The following KCNC2 variants were observed in gnomAD, a reference collection of about 807,000 sequenced individuals.
KCNC2 encodes potassium voltage-gated channel subfamily C member 2.
In KCNC2, 21 loss-of-function variants were observed where a neutral mutation model predicts 44.5. That is an observed-to-expected ratio of 0.47 (90% CI 0.33 to 0.68). The LOEUF (loss-of-function observed/expected upper bound fraction) is 0.68. Ranked by LOEUF, KCNC2 falls within the 30% of genes least tolerant of loss-of-function variation. KCNC2 has a pLI of 0.01. For synonymous variants in KCNC2, 391 were observed against 339.1 expected (o/e 1.15, Z -1.68); for missense variants, 589 against 826.2 (o/e 0.71, Z 3.52).
At chr12:75,078,820 C>A (rs996541018) in intron 2 of KCNC2, among the ~76,000 whole-genome samples, 1 of 152,134 alleles carries the variant, frequency 6.6e-6, no homozygotes, top group Non-Finnish European at 1.5e-5. Context: ...CATTCTTGCT[C>A]TATTAAAGTT....
chr12:75,086,681 A>AAATATATATATATATATAT lies in KCNC2; in HGVS notation c.688-35365_688-35364insATATATATATATATATATT, dbSNP rs1206456289. Reference sequence around the variant, plus strand: ...TTGGCAAAAAAAAAAAAAAAAAAAAAATATATATATATATATATACACACA... The same window carrying AAATATATATATATATATAT: ...TTGGCAAAAAAAAAAAAAAAAAAAAAAATATATATATATATATATATATATATATATATATATACACACA... On this transcript the variant is annotated intron_variant, in intron 2 of 4. Coordinates refer to ENST00000549446, the MANE Select transcript of KCNC2 (RefSeq NM_139137.4). 1.7e-4 allele frequency among the ~76,000 whole-genome samples: 9 copies of AAATATATATATATATATAT among 54,204 alleles called. No homozygotes were observed. In the South Asian group the frequency reaches 1.8e-3, roughly 11 times the overall value. 35.6% of individuals were successfully genotyped at this position (54,204 alleles called of 152,430 possible). A position where few individuals can be genotyped will look rare whatever the true frequency, so the allele number is the denominator to read the frequency against.
At chr12:75,138,720 C>T (rs568714452) in intron 2 of KCNC2, among the ~76,000 whole-genome samples, 3 of 152,170 alleles carry the variant, frequency 2.0e-5, no homozygotes, top group Admixed American at 1.3e-4. Context: ...GTGGCTCATG[C>T]TTATAATCCC....
intron 2 of KCNC2, among the ~76,000 whole-genome samples, chr12:75,173,164 C>T (rs1891948722): frequency 6.6e-6 from 1 of 151,840 alleles, no homozygotes; most frequent in Non-Finnish European, 1.5e-5. Flanking sequence ...TACGTCTTCT[C>T]CCTTTCACTA....
chr12:75,128,502 G>A (rs968744703), intron 2 of KCNC2, among the ~76,000 whole-genome samples: 3 of 152,006 alleles, frequency 2.0e-5, no homozygotes, highest in African/African-American at 7.2e-5. Flanking sequence ...AAACAAAACG[G>A]GTCAAAAAAT....
chr12:75,073,552 G>A (rs1286172349), intron 2 of KCNC2, among the ~76,000 whole-genome samples: 1 of 152,090 alleles, frequency 6.6e-6, no homozygotes, highest in Non-Finnish European at 1.5e-5. Flanking sequence ...CAGTATTTTG[G>A]ATATTTTGTT....
At chr12:75,134,596 A>G (rs1208912642) in intron 2 of KCNC2, among the ~76,000 whole-genome samples, 2 of 151,858 alleles carry the variant, frequency 1.3e-5, no homozygotes, top group Non-Finnish European at 2.9e-5. Flanking sequence ...AAAAAAAAGA[A>G]GTTATTATTC....
At position 75,043,086 on chromosome 12, in the gene KCNC2, T is replaced by C. The variant is rs549224607; in HGVS notation, c.*19A>G. 10 of 1,610,314 alleles carry C rather than the reference T, an allele frequency of 6.2e-6. No homozygotes were observed. In the South Asian group the frequency reaches 1.1e-4, roughly 18 times the overall value. ...GAATTAATACAATTTAGCCGACTGATGCAGTTTGGTTGTTTGGTTTACAAG... is the reference window on the plus strand; with the variant it reads ...GAATTAATACAATTTAGCCGACTGACGCAGTTTGGTTGTTTGGTTTACAAG... On this transcript the variant is annotated 3_prime_UTR_variant, in exon 5 of 5. Coordinates refer to ENST00000549446, the MANE Select transcript of KCNC2 (RefSeq NM_139137.4).
chr12:75,086,056 T>C (rs895424226), intron 2 of KCNC2, among the ~76,000 whole-genome samples: 4 of 152,072 alleles, frequency 2.6e-5, no homozygotes, highest in African/African-American at 9.7e-5. Context: ...CTTTTCTAGA[T>C]AAATATGTTT....
intron 2 of KCNC2, among the ~76,000 whole-genome samples, chr12:75,106,535 G>T (rs1886799546): frequency 6.6e-6 from 1 of 152,162 alleles, no homozygotes; most frequent in Non-Finnish European, 1.5e-5. Flanking sequence ...TTACCTTGCA[G>T]GGAGAGGAAA....
Position 75,042,518 on chromosome 12 carries a change from T to A in KCNC2, c.*587A>T, listed in dbSNP as rs1347578798. ...ATGTCAAGGAGAAAAGTGCCCTCCC[T>A]GCCCCACAATTCAACATGCAGAACA... On this transcript the variant is annotated 3_prime_UTR_variant, in exon 5 of 5. Coordinates refer to ENST00000549446, the MANE Select transcript of KCNC2 (RefSeq NM_139137.4). 4.2e-6 allele frequency: 6 copies of A among 1,425,532 alleles called. No homozygotes were observed. Among genetic ancestry groups the A allele is most frequent in the Non-Finnish European group, 5.5e-6 (6 of 1,093,464 alleles). The allele number at this position is 1,425,532 out of a possible 1,614,324, so 88.3% of individuals were successfully genotyped here.
At chr12:75,089,355 A>C (rs1449266072) in intron 2 of KCNC2, among the ~76,000 whole-genome samples, 1 of 151,818 alleles carries the variant, frequency 6.6e-6, no homozygotes, top group African/African-American at 2.4e-5. Context: ...ACTATGTAAT[A>C]CTCCTGAATT....
chr12:75,199,064 T>C (rs1221649793), intron 2 of KCNC2, among the ~76,000 whole-genome samples: 2 of 151,954 alleles, frequency 1.3e-5, no homozygotes, highest in South Asian at 2.1e-4. Flanking sequence ...AATAAGAGAA[T>C]TTATGCAACC....
At chr12:75,158,868 A>C (rs1055493388) in intron 2 of KCNC2, among the ~76,000 whole-genome samples, 2 of 151,920 alleles carry the variant, frequency 1.3e-5, no homozygotes, top group African/African-American at 4.8e-5. Flanking sequence ...AATACTGAAC[A>C]AAATTTAATT....
At chr12:75,059,773 C>T (rs1364932053) in intron 2 of KCNC2, among the ~76,000 whole-genome samples, 1 of 151,956 alleles carries the variant, frequency 6.6e-6, no homozygotes, top group Non-Finnish European at 1.5e-5. Context: ...TATGCATTTA[C>T]TATGTAAATA....
chr12:75,192,151 T>G (rs1308643474), intron 2 of KCNC2, among the ~76,000 whole-genome samples: 1 of 152,234 alleles, frequency 6.6e-6, no homozygotes, highest in Non-Finnish European at 1.5e-5. Flanking sequence ...ATTTCTAATT[T>G]ATTAAATGAA....
chr12:75,162,321 T>C (rs1213894169), intron 2 of KCNC2, among the ~76,000 whole-genome samples: 1 of 151,788 alleles, frequency 6.6e-6, no homozygotes, highest in African/African-American at 2.4e-5. Context: ...TATATGGATT[T>C]CAAGGTCTGC....
intron 2 of KCNC2, among the ~76,000 whole-genome samples, chr12:75,156,842 T>C (rs1890793757): frequency 6.6e-6 from 1 of 151,896 alleles, no homozygotes; most frequent in African/African-American, 2.4e-5. Context: ...CATACCCAAA[T>C]AATATCACAC....
intron 2 of KCNC2, among the ~76,000 whole-genome samples, chr12:75,131,469 CA>C: frequency 1.3e-5 from 2 of 152,030 alleles, no homozygotes; most frequent in East Asian, 3.9e-4. Flanking sequence ...TGTTACATGT[CA>C]AAAGGGATTT....
At chr12:75,195,771 G>T (rs1461260613) in intron 2 of KCNC2, among the ~76,000 whole-genome samples, 1 of 151,970 alleles carries the variant, frequency 6.6e-6, no homozygotes, top group Non-Finnish European at 1.5e-5. Context: ...TGATATTGCC[G>T]ATTACAAATT....
Sources: allele counts gnomAD v4.1 joint callset (sites outside exome capture counted in the v4.1 genomes callset), GRCh38; gene constraint gnomAD v4.1.1; transcripts MANE v1.5; gene names NCBI Gene and HGNC (gene_info 2026-07-23, HGNC 2026-07-21).